The following CFAP299 variants were observed in gnomAD, a reference collection of about 807,000 sequenced individuals.
The protein encoded by CFAP299 is cilia- and flagella-associated protein 299.
A neutral mutation model predicts 27.0 loss-of-function variants in CFAP299; 21 were observed. The ratio of observed to expected loss-of-function variants is 0.78; its 90% CI spans 0.55 to 1.12. CFAP299 has a LOEUF of 1.12. Among genes scored for constraint, CFAP299 ranks in the 50% most tolerant of loss-of-function variants. The probability of loss-of-function intolerance (pLI) is 0.00; values close to 1 mark genes in which losing one functional copy is unlikely to be tolerated. For missense variants in CFAP299, 310 were observed against 276.6 expected, an observed-to-expected ratio of 1.12 and a Z score of -0.86; for synonymous variants, 104 against 98.1, an observed-to-expected ratio of 1.06 and a Z score of -0.36.
At chr4:80,784,747 T>G (rs910685394) in intron 3 of CFAP299, among the ~76,000 whole-genome samples, 3 of 152,106 alleles carry the variant, frequency 2.0e-5, no homozygotes, top group African/African-American at 7.2e-5. Context: ...GGTCTCCAAC[T>G]CCCGACCTCA....
intron 2 of CFAP299, among the ~76,000 whole-genome samples, chr4:80,544,304 A>G (rs1306230415): frequency 1.3e-5 from 2 of 152,204 alleles, no homozygotes; most frequent in African/African-American, 4.8e-5. Flanking sequence ...AATCAAGTCT[A>G]CATAACAACT....
intron 3 of CFAP299, among the ~76,000 whole-genome samples, chr4:80,747,463 A>G (rs1724687053): frequency 6.6e-6 from 1 of 152,090 alleles, no homozygotes; most frequent in Admixed American, 6.6e-5. Flanking sequence ...TATGTGGTGC[A>G]TGAATGTATA....
At chr4:80,955,171 G>A (rs1258351770) in intron 5 of CFAP299, among the ~76,000 whole-genome samples, 3 of 152,112 alleles carry the variant, frequency 2.0e-5, no homozygotes, top group Non-Finnish European at 2.9e-5. Flanking sequence ...GCAGTTGAAA[G>A]CAGCTAGAAC....
intron 2 of CFAP299, among the ~76,000 whole-genome samples, chr4:80,421,573 T>C (rs1727285575): frequency 6.6e-6 from 1 of 152,318 alleles, no homozygotes; most frequent in South Asian, 2.1e-4. Flanking sequence ...TTAGTTAAAA[T>C]GTTTACATAA....
intron 3 of CFAP299, among the ~76,000 whole-genome samples, chr4:80,771,862 A>G (rs1301671010): frequency 6.6e-6 from 1 of 152,178 alleles, no homozygotes; most frequent in African/African-American, 2.4e-5. Flanking sequence ...ATTTTGATAG[A>G]GCCTGGTCAA....
intron 3 of CFAP299, among the ~76,000 whole-genome samples, chr4:80,801,698 A>T (rs374525916): frequency 3.1e-4 from 47 of 152,232 alleles, no homozygotes; most frequent in African/African-American, 1.0e-3. Flanking sequence ...AATTCTGTAC[A>T]GTTAAGGGCA....
intron 2 of CFAP299, among the ~76,000 whole-genome samples, chr4:80,404,902 T>C (rs1578407340): frequency 6.6e-6 from 1 of 152,296 alleles, no homozygotes; most frequent in Non-Finnish European, 1.5e-5. Flanking sequence ...CCACCAACAG[T>C]GCACAAGTGT....
intron 4 of CFAP299, among the ~76,000 whole-genome samples, chr4:80,931,943 G>A (rs1372756807): frequency 2.6e-5 from 4 of 152,150 alleles, no homozygotes; most frequent in Non-Finnish European, 5.9e-5. Context: ...CCACTTGGGA[G>A]TTTATTCCTT....
intron 2 of CFAP299, among the ~76,000 whole-genome samples, chr4:80,520,219 C>T (rs1023046615): frequency 5.3e-5 from 8 of 152,096 alleles, no homozygotes; most frequent in South Asian, 4.1e-4. Flanking sequence ...CACAACCAAA[C>T]GGAAATAAGC....
intron 2 of CFAP299, among the ~76,000 whole-genome samples, chr4:80,531,589 C>A (rs939538957): frequency 6.6e-6 from 1 of 152,092 alleles, no homozygotes; most frequent in Non-Finnish European, 1.5e-5. Flanking sequence ...ACTGCAGCAA[C>A]TGATAGTCAC....
At chr4:80,836,323 T>C (rs947188917) in intron 3 of CFAP299, among the ~76,000 whole-genome samples, 2 of 152,216 alleles carry the variant, frequency 1.3e-5, no homozygotes, top group African/African-American at 4.8e-5. Context: ...AAAAACACAC[T>C]TTATTATCTT....
In CFAP299 at chr4:80,335,800, A is replaced by T; in HGVS notation, c.32A>T (p.Asp11Val). ...CAGGAAGAGGGGCTGAAGGCCTTGG[A>T]CAATATTGTCACTCAATTCAACGCC... MDQEEGLKAL[D>V]NIVTQFNAYE... The change falls in exon 1 of 6, where the codon GAC becomes GTC. Residue 11 changes from aspartate (D) to valine (V), a missense_variant. Transcript: ENST00000358105. 1 of 1,613,412 alleles carries T rather than the reference A, an allele frequency of 6.2e-7. No individual in the cohort carries two copies. The highest frequency in any genetic ancestry group is 8.5e-7 in the Non-Finnish European group (1 of 1,179,344).
chr4:80,449,352 C>G (rs1413160699), intron 2 of CFAP299, among the ~76,000 whole-genome samples: 3 of 151,928 alleles, frequency 2.0e-5, no homozygotes, highest in African/African-American at 4.8e-5. Context: ...TTATTAATCA[C>G]TTATTAGTTA....
chr4:80,911,114 A>C (rs1004042258), intron 4 of CFAP299, among the ~76,000 whole-genome samples: 5 of 151,978 alleles, frequency 3.3e-5, no homozygotes, highest in African/African-American at 1.2e-4. Flanking sequence ...TGCACTTCAA[A>C]GTATTTAAAT....
At chr4:80,432,465 A>C (rs540892380) in intron 2 of CFAP299, among the ~76,000 whole-genome samples, 6 of 143,734 alleles carry the variant, frequency 4.2e-5, no homozygotes, top group African/African-American at 1.5e-4. Flanking sequence ...CATTTGTTTT[A>C]TTTATGCTAT....
intron 2 of CFAP299, among the ~76,000 whole-genome samples, chr4:80,536,292 A>C (rs996381401): frequency 4.6e-5 from 7 of 152,184 alleles, no homozygotes; most frequent in African/African-American, 1.7e-4. Flanking sequence ...AGTGGTTTCC[A>C]GTAGTGGATA....
At chr4:80,359,660 C>T (rs943473734) in intron 1 of CFAP299, among the ~76,000 whole-genome samples, 1 of 152,158 alleles carries the variant, frequency 6.6e-6, no homozygotes, top group Non-Finnish European at 1.5e-5. Context: ...TTGTGTGTTT[C>T]AGCTCAATCA....
In CFAP299 at chr4:80,444,061, T is replaced by C. The variant is rs142716376; in HGVS notation, c.242+81177T>C. ...AAAGAAATGGGAAAACATTCCATGC[T>C]CATGGATAGGAAAAATCAATATTGT... is the stretch of plus-strand genomic sequence containing the variant. On this transcript the variant is annotated intron_variant, in intron 2 of 5. Transcript: ENST00000358105. 6.2e-3 allele frequency among the ~76,000 whole-genome samples: 939 copies of C among 152,266 alleles called. 2 individuals are homozygous for C. The highest frequency in any genetic ancestry group is 0.024 in the Middle Eastern group (7 of 294).
chr4:80,733,274 A>G (rs1723644462), intron 3 of CFAP299, among the ~76,000 whole-genome samples: 1 of 152,100 alleles, frequency 6.6e-6, no homozygotes, highest in South Asian at 2.1e-4. Flanking sequence ...GTAGGACACT[A>G]AACAGGGAAT....
Sources: gnomAD v4.1 joint callset for allele counts (sites outside exome capture counted in the v4.1 genomes callset) on GRCh38, gnomAD v4.1.1 for gene constraint, MANE v1.5 for transcripts, NCBI Gene and HGNC (gene_info 2026-07-23, HGNC 2026-07-21) for gene names.